The following LRMDA variants were observed in gnomAD, a reference collection of about 807,000 sequenced individuals.
The protein encoded by LRMDA is leucine rich melanocyte differentiation associated.
In LRMDA, 18 loss-of-function variants were observed where a neutral mutation model predicts 29.8. That is an observed-to-expected ratio of 0.60 (90% CI 0.42 to 0.90). LRMDA has a LOEUF of 0.90. LRMDA is among the 40% of genes least tolerant of loss of function. The pLI, the probability that LRMDA is intolerant of heterozygous loss-of-function variation, is 0.00. For missense variants in LRMDA, 273 were observed against 273.9 expected (o/e 1.00, Z 0.02); for synonymous variants, 125 against 109.4 (o/e 1.14, Z -0.89).
At chr10:76,071,574 A>G (rs2132069317) in intron 5 of LRMDA, among the ~76,000 whole-genome samples, 1 of 152,354 alleles carries the variant, frequency 6.6e-6, no homozygotes, top group Non-Finnish European at 1.5e-5. Flanking sequence ...TTAGGTAAAA[A>G]TGAACAGGGC....
At chr10:76,236,988 T>G (rs1284704713) in intron 5 of LRMDA, among the ~76,000 whole-genome samples, 1 of 152,202 alleles carries the variant, frequency 6.6e-6, no homozygotes, top group Non-Finnish European at 1.5e-5. Context: ...TAATGTGACA[T>G]GAAAATACCT....
chr10:76,070,809 C>T (rs562230699), intron 5 of LRMDA, among the ~76,000 whole-genome samples: 29 of 152,246 alleles, frequency 1.9e-4, no homozygotes, highest in Non-Finnish European at 3.7e-4. Flanking sequence ...TGGGGAGGTC[C>T]AGGCTCCTGA....
chr10:75,697,137 A>G (rs1335901291), intron 2 of LRMDA, among the ~76,000 whole-genome samples: 1 of 152,128 alleles, frequency 6.6e-6, no homozygotes, highest in African/African-American at 2.4e-5. Context: ...AGGAGGTGAG[A>G]TCAGTAGGAA....
intron 2 of LRMDA, among the ~76,000 whole-genome samples, chr10:75,489,561 G>A (rs1358236535): frequency 6.6e-6 from 1 of 152,248 alleles, no homozygotes; most frequent in Non-Finnish European, 1.5e-5. Flanking sequence ...TGGCTGGCAA[G>A]TAGGATTGTA....
At chr10:75,434,730 G>A (rs1188516906) in intron 1 of LRMDA, among the ~76,000 whole-genome samples, 1 of 152,212 alleles carries the variant, frequency 6.6e-6, no homozygotes, top group Non-Finnish European at 1.5e-5. Context: ...GGGAATACAG[G>A]TGTGCACCAC....
At chr10:76,103,240 T>A (rs1414560513) in intron 5 of LRMDA, among the ~76,000 whole-genome samples, 1 of 152,192 alleles carries the variant, frequency 6.6e-6, no homozygotes, top group African/African-American at 2.4e-5. Flanking sequence ...TCCTAGCAAT[T>A]TCATAACCTT....
rs377392667 is a variant in LRMDA, at chr10:75,432,164, T to C, written c.30+410T>C. Among the ~76,000 whole-genome samples the C allele has an allele frequency of 2.0e-5, 3 of 152,260 alleles. No homozygotes were observed. The East Asian group carries it at 5.8e-4, about 29-fold the overall frequency. ...AATCACATTGATATAGTCATCTTTA[T>C]ACCAATGCAGTTGTAATATACAAAT... On this transcript the variant is annotated intron_variant, in intron 1 of 6. Transcript: ENST00000611255.
At chr10:76,225,433 G>T (rs897890654) in intron 5 of LRMDA, among the ~76,000 whole-genome samples, 8 of 151,982 alleles carry the variant, frequency 5.3e-5, no homozygotes, top group South Asian at 2.1e-4. Context: ...AAAAAGAAAA[G>T]ATATTTGATC....
At chr10:75,489,315 G>A (rs1211148090) in intron 2 of LRMDA, among the ~76,000 whole-genome samples, 1 of 152,012 alleles carries the variant, frequency 6.6e-6, no homozygotes, top group Non-Finnish European at 1.5e-5. Flanking sequence ...ACTAAAGGGG[G>A]TAGCTGAAAA....
At chr10:76,202,095 C>T (rs1488025451) in intron 5 of LRMDA, among the ~76,000 whole-genome samples, 2 of 152,114 alleles carry the variant, frequency 1.3e-5, no homozygotes, top group Non-Finnish European at 2.9e-5. Flanking sequence ...AAGCCCCGTA[C>T]CTTTCAAGTC....
At chr10:75,828,206 C>A (rs1216320449) in intron 2 of LRMDA, among the ~76,000 whole-genome samples, 1 of 152,168 alleles carries the variant, frequency 6.6e-6, no homozygotes, top group Non-Finnish European at 1.5e-5. Context: ...CCCAAACTAT[C>A]TCAGACCTGA....
At chr10:76,380,465 C>T (rs542553237) in intron 6 of LRMDA, among the ~76,000 whole-genome samples, 57 of 151,906 alleles carry the variant, frequency 3.8e-4, no homozygotes, top group African/African-American at 1.1e-3. Context: ...GTCAGGAGAT[C>T]GAGACCATCC....
intron 5 of LRMDA, among the ~76,000 whole-genome samples, chr10:76,097,553 AT>A (rs949851007): frequency 8.5e-5 from 13 of 152,140 alleles, no homozygotes; most frequent in African/African-American, 3.1e-4. Flanking sequence ...TTAGCTATAG[AT>A]TTTTTGCAAA....
intron 6 of LRMDA, among the ~76,000 whole-genome samples, chr10:76,423,988 C>A (rs1376076996): frequency 6.6e-6 from 1 of 152,096 alleles, no homozygotes; most frequent in Non-Finnish European, 1.5e-5. Flanking sequence ...CAGAGGGGCT[C>A]CTTTGTGATC....
chr10:76,266,222 T>C (rs1210702635), intron 5 of LRMDA, among the ~76,000 whole-genome samples: 1 of 140,112 alleles, frequency 7.1e-6, no homozygotes, highest in Admixed American at 7.3e-5. Context: ...CTAGTATTAG[T>C]AGTATAATAA....
At chr10:75,480,869 T>A (rs3012052) in intron 2 of LRMDA, among the ~76,000 whole-genome samples, 1 of 151,838 alleles carries the variant, frequency 6.6e-6, no homozygotes, top group Non-Finnish European at 1.5e-5. Flanking sequence ...ATTTTAGAGG[T>A]GGTTTTGATG....
intron 2 of LRMDA, among the ~76,000 whole-genome samples, chr10:75,903,243 CT>C (rs1414504771): frequency 1.3e-5 from 2 of 152,196 alleles, no homozygotes; most frequent in Non-Finnish European, 2.9e-5. Flanking sequence ...CAGGGCCTTG[CT>C]CTTAGAAAAC....
At chr10:75,873,437 GC>G (rs1845145636) in intron 2 of LRMDA, among the ~76,000 whole-genome samples, 1 of 152,158 alleles carries the variant, frequency 6.6e-6, no homozygotes, top group African/African-American at 2.4e-5. Flanking sequence ...GAGGAAAAAA[GC>G]TTGATGAAAT....
chr10:75,531,136 A>G (rs1382023830), intron 2 of LRMDA, among the ~76,000 whole-genome samples: 1 of 152,166 alleles, frequency 6.6e-6, no homozygotes, highest in Non-Finnish European at 1.5e-5. Flanking sequence ...CTAGGGTTAC[A>G]GTGGAGGCTG....
Sources: gnomAD v4.1 joint callset for allele counts (sites outside exome capture counted in the v4.1 genomes callset) on GRCh38, gnomAD v4.1.1 for gene constraint, MANE v1.5 for transcripts, NCBI Gene and HGNC (gene_info 2026-07-23, HGNC 2026-07-21) for gene names.